NRG3: variants seen among roughly 807,000 people sequenced by gnomAD.
NRG3 encodes pro-neuregulin-3, membrane-bound isoform.
A neutral mutation model predicts 66.9 loss-of-function variants in NRG3; 31 were observed. That is an observed-to-expected ratio of 0.46 (90% CI 0.35 to 0.63). The LOEUF is 0.63. Among genes scored for constraint, NRG3 ranks in the 20% least tolerant of loss-of-function variants. The pLI is 0.00. For synonymous variants in NRG3, 393 were observed against 359.4 expected, an observed-to-expected ratio of 1.09 and a Z score of -1.06; for missense variants, 910 against 878.9, an observed-to-expected ratio of 1.04 and a Z score of -0.45.
At position 82,292,646 on chromosome 10, in the gene NRG3, T is replaced by G. The variant is rs2079814713; in HGVS notation, c.824-66093T>G. Reference sequence around the variant, plus strand: ...AACACACTGTGGCACATGTATATTGTAGAATACTACTCAATAAAATAATGA... The same window carrying G: ...AACACACTGTGGCACATGTATATTGGAGAATACTACTCAATAAAATAATGA... On this transcript the variant is annotated intron_variant, in intron 1 of 8. Coordinates refer to ENST00000372141, the MANE Select transcript of NRG3 (RefSeq NM_001010848.4). Among the ~76,000 whole-genome samples, 6 of 152,328 alleles carry G rather than the reference T, an allele frequency of 3.9e-5. No homozygotes were observed. The South Asian group carries it at 1.2e-3, about 32-fold the overall frequency.
intron 1 of NRG3, among the ~76,000 whole-genome samples, chr10:82,081,616 G>A (rs1250125636): frequency 6.6e-6 from 1 of 152,140 alleles, no homozygotes; most frequent in Admixed American, 6.5e-5. Flanking sequence ...TCAGATTTGG[G>A]ATTTTAATTA....
At chr10:82,956,175 A>C (rs1396323548) in intron 5 of NRG3, among the ~76,000 whole-genome samples, 1 of 152,026 alleles carries the variant, frequency 6.6e-6, no homozygotes, top group Non-Finnish European at 1.5e-5. Context: ...AATGATGTCT[A>C]CTATTCTGCA....
At chr10:82,747,673 CTATAA>C (rs1280580718) in intron 3 of NRG3, among the ~76,000 whole-genome samples, 2 of 151,894 alleles carry the variant, frequency 1.3e-5, no homozygotes, top group Non-Finnish European at 2.9e-5. Context: ...CTTTGAAATA[CTATAA>C]TATTTCAATC....
chr10:82,066,732 A>G (rs1252802677), intron 1 of NRG3, among the ~76,000 whole-genome samples: 1 of 152,220 alleles, frequency 6.6e-6, no homozygotes, highest in African/African-American at 2.4e-5. Context: ...ACCAGTGAGT[A>G]TAATGTTCTT....
intron 1 of NRG3, chr10:82,340,999 T>C (rs1393002150): frequency 6.6e-6 from 1 of 152,208 alleles, no homozygotes; most frequent in East Asian, 1.9e-4. Flanking sequence ...TAGGATTGTT[T>C]GTAACACAAA....
At chr10:82,683,890 C>A (rs562185462) in intron 2 of NRG3, among the ~76,000 whole-genome samples, 1 of 152,166 alleles carries the variant, frequency 6.6e-6, no homozygotes, top group African/African-American at 2.4e-5. Context: ...CTAAACTATA[C>A]GCAGGCAAAA....
At chr10:82,772,856 C>T (rs2059769783) in intron 3 of NRG3, among the ~76,000 whole-genome samples, 1 of 151,906 alleles carries the variant, frequency 6.6e-6, no homozygotes, top group Non-Finnish European at 1.5e-5. Context: ...CAAACATGTG[C>T]CACCGTGACC....
intron 1 of NRG3, among the ~76,000 whole-genome samples, chr10:82,143,364 A>G (rs1394042258): frequency 6.6e-6 from 1 of 152,164 alleles, no homozygotes; most frequent in Non-Finnish European, 1.5e-5. Flanking sequence ...AGTCAGGCCA[A>G]AACTATTAGC....
At chr10:82,137,256 C>CA (rs1338425060) in intron 1 of NRG3, among the ~76,000 whole-genome samples, 1 of 152,152 alleles carries the variant, frequency 6.6e-6, no homozygotes, top group Non-Finnish European at 1.5e-5. Flanking sequence ...GATTCTCAGT[C>CA]AGGATTGCGC....
At chr10:82,219,045 A>G (rs2075816963) in intron 1 of NRG3, among the ~76,000 whole-genome samples, 1 of 151,974 alleles carries the variant, frequency 6.6e-6, no homozygotes, top group African/African-American at 2.4e-5. Context: ...GATCAAAGAA[A>G]CGTTTGGGAT....
At chr10:81,902,092 T>A (rs188539611) in intron 1 of NRG3, among the ~76,000 whole-genome samples, 56 of 152,318 alleles carry the variant, frequency 3.7e-4, no homozygotes, top group Non-Finnish European at 5.9e-4. Context: ...TGCAAGGGGA[T>A]CTCTGCGTAT....
intron 2 of NRG3, among the ~76,000 whole-genome samples, chr10:82,621,773 G>T (rs1171887549): frequency 1.3e-5 from 2 of 151,086 alleles, no homozygotes; most frequent in Admixed American, 1.3e-4. Context: ...GGTACAGTAA[G>T]GTAGCCAACT....
At chr10:81,963,840 G>T (rs1589615441) in intron 1 of NRG3, among the ~76,000 whole-genome samples, 1 of 152,234 alleles carries the variant, frequency 6.6e-6, no homozygotes, top group African/African-American at 2.4e-5. Context: ...CTTTATTTTT[G>T]TTCCCTCAGT....
chr10:82,668,117 T>G lies in NRG3; in HGVS notation c.954-70460T>G, dbSNP rs114067771. Among the ~76,000 whole-genome samples, 837 of 152,290 alleles carry G rather than the reference T, an allele frequency of 5.5e-3. 5 individuals are homozygous for G. Among genetic ancestry groups the G allele is most frequent in the African/African-American group, 0.019 (774 of 41,560 alleles). On this transcript the variant is annotated intron_variant, in intron 2 of 8. Coordinates refer to ENST00000372141, the MANE Select transcript of NRG3 (RefSeq NM_001010848.4). ...TCTTTTCTTCTCCTCTTCCCTCTTC[T>G]TCTCTGCCCGCACCCTCTCCTTTTT...
chr10:82,087,528 A>C (rs770553653), intron 1 of NRG3, among the ~76,000 whole-genome samples: 1 of 152,120 alleles, frequency 6.6e-6, no homozygotes, highest in Non-Finnish European at 1.5e-5. Context: ...CCAACAGTAC[A>C]GGTGGACTCA....
chr10:82,387,863 G>C (rs1743996044), intron 2 of NRG3, among the ~76,000 whole-genome samples: 1 of 152,210 alleles, frequency 6.6e-6, no homozygotes, highest in Middle Eastern at 3.4e-3. Context: ...TGTTTGCTTT[G>C]GAAAGAATGC....
chr10:82,016,727 A>G (rs140014947), intron 1 of NRG3, among the ~76,000 whole-genome samples: 139 of 152,230 alleles, frequency 9.1e-4, no homozygotes, highest in African/African-American at 3.1e-3. Flanking sequence ...TGGAAGATAA[A>G]TGGTTGGGAA....
At chr10:82,841,551 G>C (rs2063058220) in intron 3 of NRG3, among the ~76,000 whole-genome samples, 1 of 152,168 alleles carries the variant, frequency 6.6e-6, no homozygotes, top group African/African-American at 2.4e-5. Context: ...CAGGCCAGCT[G>C]ACTGGAAATT....
intron 1 of NRG3, among the ~76,000 whole-genome samples, chr10:82,152,397 C>T (rs932769414): frequency 6.6e-6 from 1 of 152,122 alleles, no homozygotes; most frequent in Non-Finnish European, 1.5e-5. Context: ...TTTGCTTAGC[C>T]TTTGTATCTC....
Sources: gnomAD v4.1 joint callset for allele counts (sites outside exome capture counted in the v4.1 genomes callset) on GRCh38, gnomAD v4.1.1 for gene constraint, MANE v1.5 for transcripts, NCBI Gene and HGNC (gene_info 2026-07-23, HGNC 2026-07-21) for gene names.